Variants in IFT140 observed in about 807,000 individuals in gnomAD.
IFT140 encodes intraflagellar transport protein 140 homolog.
Under a neutral mutation model 164.6 loss-of-function variants are expected in IFT140, and 133 were observed. The ratio of observed to expected loss-of-function variants is 0.81; its 90% confidence interval spans 0.70 to 0.93. IFT140 has a LOEUF of 0.93. IFT140 is among the 40% of genes least tolerant of loss of function. IFT140 has a pLI of 0.00. For synonymous variants in IFT140, 860 were observed against 817.3 expected, an observed-to-expected ratio of 1.05 and a Z score of -0.89; for missense variants, 2,045 against 1,972.3, an observed-to-expected ratio of 1.04 and a Z score of -0.70.
At chr16:1,516,536 G>A (rs1018995352) in intron 30 of IFT140, among the ~76,000 whole-genome samples, 8 of 152,110 alleles carry the variant, frequency 5.3e-5, no homozygotes, top group Non-Finnish European at 1.2e-4. Context: ...TTGGGAGGCC[G>A]AGGCGGGCGG....
At chr16:1,530,119 T>C (rs77608504) in intron 19 of IFT140, among the ~76,000 whole-genome samples, 1,575 of 151,070 alleles carry the variant, frequency 0.01, 39 homozygotes, top group African/African-American at 0.036. Flanking sequence ...CCCAAAAGAC[T>C]TCACGACGGG....
intron 24 of IFT140, 27 bp downstream of exon 24, chr16:1,524,525 C>T (rs773421585): frequency 3.4e-5 from 54 of 1,609,158 alleles, no homozygotes; most frequent in African/African-American, 4.0e-5. Context: ...CGAGAAGCGC[C>T]GGCTCCCCAC....
chr16:1,554,738 C>A, intron 19 of IFT140: 5 of 1,604,994 alleles, frequency 3.1e-6, no homozygotes, highest in Non-Finnish European at 4.3e-6. Context: ...GTGGAACCCG[C>A]CTTCCTCTCA....
chr16:1,528,442 C>CAG (rs1319034522), intron 19 of IFT140, among the ~76,000 whole-genome samples: 1 of 151,252 alleles, frequency 6.6e-6, no homozygotes, highest in African/African-American at 2.4e-5. Flanking sequence ...TGCACACACA[C>CAG]ATTCACATGC....
chr16:1,583,643 G>C (rs2034700425), intron 11 of IFT140, among the ~76,000 whole-genome samples: 1 of 150,820 alleles, frequency 6.6e-6, no homozygotes, highest in Non-Finnish European at 1.5e-5. Context: ...GAATGGCAAA[G>C]AAAGTATCCC....
chr16:1,608,109 A>T (rs1043523951), intron 2 of IFT140, among the ~76,000 whole-genome samples: 6 of 152,138 alleles, frequency 3.9e-5, no homozygotes, highest in Admixed American at 1.3e-4. Context: ...TTAGAGAGTC[A>T]AGAATGCACA....
At position 1,586,027 on chromosome 16, in the gene IFT140, T is replaced by C. The variant is rs561254024; in HGVS notation, c.1155+103A>G. On this transcript the variant is annotated intron_variant, in intron 10 of 30. Transcript: ENST00000426508. ...ACCTCATGATCCACCCGCCTTGGCC[T>C]CCCAAAGTGCTGGGATTACAGGCGT... is the stretch of plus-strand genomic sequence containing the variant. 219 of 1,412,030 alleles carry C rather than the reference T, an allele frequency of 1.6e-4. 2 individuals carry two copies. The East Asian group carries it at 4.7e-3, about 30-fold the overall frequency. The allele number at this position is 1,412,030 out of a possible 1,614,324, so 87.5% of individuals were successfully genotyped here.
At chr16:1,519,253 T>C (rs910810193) in intron 29 of IFT140, among the ~76,000 whole-genome samples, 5 of 152,182 alleles carry the variant, frequency 3.3e-5, no homozygotes, top group African/African-American at 1.2e-4. Flanking sequence ...GGTTCTCCGA[T>C]AAGGAAAACA....
intron 19 of IFT140, among the ~76,000 whole-genome samples, chr16:1,544,082 A>G (rs557584068): frequency 5.9e-5 from 9 of 151,680 alleles, no homozygotes; most frequent in South Asian, 2.1e-4. Context: ...CAGTGGCGCA[A>G]TCTCGGCTCA....
Position 1,530,532 on chromosome 16 carries a change from G to A in IFT140, c.2400-3736C>T, listed in dbSNP as rs527629309. On this transcript the variant is annotated intron_variant, in intron 19 of 30. Coordinates refer to ENST00000426508, the MANE Select transcript of IFT140 (RefSeq NM_014714.4). ...TGGGACCTGCCTCTACCTGCCCCGC[G>A]TGGCTCCTTTCCTCTCCCTTGTCCT... is the stretch of plus-strand genomic sequence containing the variant. 9.2e-5 allele frequency among the ~76,000 whole-genome samples: 14 copies of A among 152,326 alleles called. No homozygotes were observed. In the East Asian group the frequency reaches 9.7e-4, roughly 11 times the overall value.
At chr16:1,608,587 C>G (rs912218755) in intron 2 of IFT140, among the ~76,000 whole-genome samples, 1 of 144,680 alleles carries the variant, frequency 6.9e-6, no homozygotes, top group Non-Finnish European at 1.5e-5. Context: ...AAGCTGAGAT[C>G]GCGCCACTGT....
Position 1,520,310 on chromosome 16 carries a change from C to T in IFT140, c.3694G>A (p.Glu1232Lys). The T allele has an allele frequency of 6.2e-7, 1 of 1,614,212 alleles. No individual in the cohort carries two copies. Among genetic ancestry groups the T allele is most frequent in the South Asian group, 1.1e-5 (1 of 91,090 alleles). Residue 1232 changes from glutamate (E) to lysine (K), a missense_variant, in exon 28 of 31, where the codon GAG becomes AAG. Coordinates refer to ENST00000426508, the MANE Select transcript of IFT140 (RefSeq NM_014714.4). ...MRALLKSGDT[E>K]KITFFASVSR... ...ACGCTCGCGAAGAACGTGATTTTCT[C>T]CGTGTCTCCGGATTTGAGCAGCGCC...
Position 1,523,621 on chromosome 16 carries a change from A to T in IFT140, c.3350T>A (p.Leu1117Gln). 1 of 1,613,986 alleles carries T rather than the reference A, an allele frequency of 6.2e-7. No individual in the cohort carries two copies. The highest frequency in any genetic ancestry group is 8.5e-7 in the Non-Finnish European group (1 of 1,180,012). ...GAGCGCAGGGTCTGACGTCTCATCC[A>T]GGTCCTCTGCTATGAGCTGTAGGGC... is the stretch of plus-strand genomic sequence containing the variant. ...FVALQLIAED[L>Q]DETSDPALLA... The change falls in exon 26 of 31, where the codon CTG (leucine) becomes CAG (glutamine). Residue 1117 changes from leucine to glutamine, a missense_variant. Physicochemically the swap from Leu to Gln is moderately radical, Grantham distance 113. Coordinates refer to ENST00000426508, the MANE Select transcript of IFT140 (RefSeq NM_014714.4).
chr16:1,584,259 G>T lies in IFT140; in HGVS notation c.1317C>A (p.Ser439Arg). 6.2e-7 allele frequency: 1 copy of T among 1,613,660 alleles called. No homozygotes were observed. The highest frequency in any genetic ancestry group is 8.5e-7 in the Non-Finnish European group (1 of 1,180,002). Reference protein sequence around the residue: ...VCFLSTGVAHSLRTDMHISGV... With the variant: ...VCFLSTGVAHRLRTDMHISGV... ...CACTGATGTGCATGTCGGTGCGCAG[G>T]CTGTGTGCGACCCCCGTGGACAGGA... The change falls in exon 11 of 31, where the codon AGC becomes AGA. Residue 439 changes from serine to arginine, a missense_variant. Coordinates refer to ENST00000426508, the MANE Select transcript of IFT140 (RefSeq NM_014714.4).
chr16:1,528,067 T>A (rs563266902), intron 19 of IFT140, among the ~76,000 whole-genome samples: 1 of 152,054 alleles, frequency 6.6e-6, no homozygotes, highest in East Asian at 1.9e-4. Flanking sequence ...GGCCTCCTGG[T>A]GGGGCTGGGC....
At chr16:1,559,415 G>A (rs1317563772) in intron 18 of IFT140, among the ~76,000 whole-genome samples, 1 of 152,142 alleles carries the variant, frequency 6.6e-6, no homozygotes, top group Admixed American at 6.5e-5. Flanking sequence ...CAGTCACACG[G>A]TGCAGAGGCA....
chr16:1,520,679 T>C lies in IFT140; in HGVS notation c.3583A>G (p.Ile1195Val). Residue 1195 changes from isoleucine (I) to valine (V), a missense_variant, in exon 27 of 31, where the codon ATA becomes GTA. Physicochemically the swap from Ile to Val is conservative, Grantham distance 29. Transcript: ENST00000426508. ...EESRRELLEQIADCCMRQGSY... is the reference protein window; with the variant it reads ...EESRRELLEQVADCCMRQGSY... ...CCCTGGCGCATGCAGCAGTCTGCTATCTGCTCCAGCAGCTCCCGCCGCGAC... is the reference window on the plus strand; with the variant it reads ...CCCTGGCGCATGCAGCAGTCTGCTACCTGCTCCAGCAGCTCCCGCCGCGAC... 6.2e-7 allele frequency: 1 copy of C among 1,608,780 alleles called. No individual in the cohort carries two copies. The highest frequency in any genetic ancestry group is 8.5e-7 in the Non-Finnish European group (1 of 1,177,732).
intron 3 of IFT140, 112 bp downstream of exon 3, chr16:1,606,984 GCACACACAGATGCATGTATACACA>G: frequency 1.2e-6 from 1 of 830,946 alleles, no homozygotes; most frequent in South Asian, 1.6e-5. Context: ...ACACATACAC[GCACACACAGATGCATGTATACACA>G]CACACACCCA....
At chr16:1,545,303 A>C (rs992241436) in intron 19 of IFT140, among the ~76,000 whole-genome samples, 2 of 151,614 alleles carry the variant, frequency 1.3e-5, no homozygotes, top group Admixed American at 6.6e-5. Flanking sequence ...GGCGAGGGCC[A>C]GCAGCACCAA....
Sources: gnomAD v4.1 joint callset for allele counts (sites outside exome capture counted in the v4.1 genomes callset) on GRCh38, gnomAD v4.1.1 for gene constraint, MANE v1.5 for transcripts, NCBI Gene and HGNC (gene_info 2026-07-23, HGNC 2026-07-21) for gene names.